Variants in SPAG17 observed in about 807,000 individuals in gnomAD.
The protein encoded by SPAG17 is sperm-associated antigen 17.
A neutral mutation model predicts 273.6 loss-of-function variants in SPAG17; 169 were observed. The observed-to-expected ratio is 0.62, with a 90% CI of 0.55 to 0.70. SPAG17 has a LOEUF of 0.70. Ranked by LOEUF, SPAG17 falls within the 30% of genes least tolerant of loss-of-function variation. The pLI, the probability that SPAG17 is intolerant of heterozygous loss-of-function variation, is 0.00. For synonymous variants in SPAG17, 825 were observed against 873.2 expected (o/e 0.94, Z 0.97); for missense variants, 2,557 against 2,627.8 (o/e 0.97, Z 0.59).
rs568362208 is a variant in SPAG17, at chr1:118,032,233, G to GA, written c.3434-367dup. ...AATGTTTAGAGCAGCAGAAAATAAT[G>GA]AAAAAAATGTGCAAAAGTCCTTATA... On this transcript the variant is annotated intron_variant, in intron 24 of 48. Transcript: ENST00000336338. 2.6e-4 allele frequency among the ~76,000 whole-genome samples: 40 copies of GA among 152,040 alleles called. No individual in the cohort carries two copies. In the South Asian group the frequency reaches 7.1e-3, roughly 27 times the overall value.
intron 1 of SPAG17, among the ~76,000 whole-genome samples, chr1:118,153,364 C>T (rs1659491601): frequency 6.6e-6 from 1 of 152,156 alleles, no homozygotes; most frequent in Admixed American, 6.5e-5. Context: ...GTCATTTTGG[C>T]AGAACCTCAT....
At chr1:118,049,480 C>T (rs1399408818) in intron 20 of SPAG17, among the ~76,000 whole-genome samples, 1 of 152,088 alleles carries the variant, frequency 6.6e-6, no homozygotes, top group Non-Finnish European at 1.5e-5. Flanking sequence ...ATCACATGGT[C>T]ATCACAATAG....
intron 43 of SPAG17, among the ~76,000 whole-genome samples, chr1:117,974,120 G>A (rs1260085025): frequency 2.0e-5 from 3 of 152,150 alleles, no homozygotes; most frequent in Admixed American, 2.0e-4. Context: ...CATTACTGCA[G>A]TGAACATGTG....
intron 3 of SPAG17, among the ~76,000 whole-genome samples, chr1:118,145,123 T>C (rs1391728478): frequency 1.3e-5 from 2 of 152,350 alleles, no homozygotes; most frequent in East Asian, 3.9e-4. Context: ...CTGTTCCCAG[T>C]AGAGCTGCCA....
At chr1:117,992,755 AG>A in intron 35 of SPAG17, 107 bp from the exon 36 acceptor site, 1 of 1,001,272 alleles carries the variant, frequency 1.0e-6, no homozygotes, top group Non-Finnish European at 1.4e-6. Flanking sequence ...ATAACTTTTT[AG>A]GGACACAGTG....
At chr1:118,150,851 C>T (rs1012422818) in intron 2 of SPAG17, among the ~76,000 whole-genome samples, 3 of 152,164 alleles carry the variant, frequency 2.0e-5, no homozygotes, top group African/African-American at 7.2e-5. Flanking sequence ...TTGCTGTCCT[C>T]TGACCTCTGA....
At chr1:118,137,363 G>A (rs756902758) in intron 3 of SPAG17, among the ~76,000 whole-genome samples, 1 of 152,156 alleles carries the variant, frequency 6.6e-6, no homozygotes, top group Admixed American at 6.5e-5. Flanking sequence ...TTCTGATAAA[G>A]GCTCATGAGG....
At chr1:118,117,102 T>C (rs1285901450) in intron 3 of SPAG17, among the ~76,000 whole-genome samples, 1 of 152,232 alleles carries the variant, frequency 6.6e-6, no homozygotes, top group Non-Finnish European at 1.5e-5. Context: ...CAATGCCAGC[T>C]AAATACTGTG....
intron 20 of SPAG17, among the ~76,000 whole-genome samples, chr1:118,045,737 A>G (rs1164957191): frequency 6.6e-6 from 1 of 152,188 alleles, no homozygotes; most frequent in Admixed American, 6.5e-5. Context: ...TGGCATCTGA[A>G]AAGGAAGCAG....
chr1:118,044,771 C>T (rs1650167517), intron 20 of SPAG17, among the ~76,000 whole-genome samples: 1 of 152,028 alleles, frequency 6.6e-6, no homozygotes, highest in Admixed American at 6.6e-5. Context: ...GTGTGCAGCA[C>T]CTCCCCCTTC....
At chr1:118,092,032 C>T (rs1052185940) in intron 8 of SPAG17, 30 bp from the exon 9 acceptor site, 4 of 1,588,804 alleles carry the variant, frequency 2.5e-6, no homozygotes, top group Non-Finnish European at 3.5e-6. Flanking sequence ...AAAGAAACAA[C>T]TGAGATACCC....
chr1:118,105,736 G>C (rs1656356479), intron 4 of SPAG17, among the ~76,000 whole-genome samples: 1 of 152,104 alleles, frequency 6.6e-6, no homozygotes, highest in African/African-American at 2.4e-5. Context: ...GGTGATGAGG[G>C]CTTCAGTGAT....
intron 7 of SPAG17, among the ~76,000 whole-genome samples, chr1:118,094,090 A>G (rs908064941): frequency 1.3e-5 from 2 of 152,312 alleles, no homozygotes; most frequent in Admixed American, 6.5e-5. Flanking sequence ...GGTTCCTTGT[A>G]TGCAGAAGTC....
intron 32 of SPAG17, among the ~76,000 whole-genome samples, chr1:118,001,199 G>C (rs1463296380): frequency 6.6e-6 from 1 of 152,176 alleles, no homozygotes; most frequent in African/African-American, 2.4e-5. Context: ...ATAAGGTTTT[G>C]ATGTGCGGTT....
intron 3 of SPAG17, among the ~76,000 whole-genome samples, chr1:118,140,039 G>T (rs1422964717): frequency 6.6e-6 from 1 of 152,138 alleles, no homozygotes; most frequent in Non-Finnish European, 1.5e-5. Context: ...CCCCCTTGCC[G>T]TGTGATTTCC....
intron 17 of SPAG17, among the ~76,000 whole-genome samples, chr1:118,068,976 G>A (rs1653278481): frequency 6.6e-6 from 1 of 152,114 alleles, no homozygotes; most frequent in South Asian, 2.1e-4. Context: ...CTGATATATA[G>A]AGAATGGATT....
At chr1:118,134,573 T>C (rs1206113936) in intron 3 of SPAG17, among the ~76,000 whole-genome samples, 2 of 152,200 alleles carry the variant, frequency 1.3e-5, no homozygotes, top group African/African-American at 4.8e-5. Flanking sequence ...CCCATGGAAT[T>C]ATTCCCGTAC....
Position 118,073,914 on chromosome 1 carries a change from CTG to C in SPAG17, c.2323_2324del (p.Gln775AlafsTer11), listed in dbSNP as rs745427015. 9 of 1,575,490 alleles carry C rather than the reference CTG, an allele frequency of 5.7e-6. No individual in the cohort carries two copies. Among genetic ancestry groups the C allele is most frequent in the South Asian group, 2.4e-5 (2 of 84,408 alleles). ...EADLEDIKKTQQRSLMDWSFT... is the reference protein window; with the variant it reads ...EADLEDIKKTXQRSLMDWSFT... Reference sequence around the variant, plus strand: ...AACTCCAGTCCATTAGACTGCGCTGCTGTGTTTTCTTTATGTCCTCTAAATCT... The same window carrying C: ...AACTCCAGTCCATTAGACTGCGCTGCTGTTTTCTTTATGTCCTCTAAATCT... On this transcript the variant is annotated frameshift_variant, in exon 17 of 49. Transcript: ENST00000336338. LOFTEE classifies it high-confidence loss of function.
At chr1:118,172,863 A>G (rs1468131059) in intron 1 of SPAG17, among the ~76,000 whole-genome samples, 3 of 152,176 alleles carry the variant, frequency 2.0e-5, no homozygotes, top group Non-Finnish European at 4.4e-5. Context: ...CCATCTCTGA[A>G]CATTTGCATT....
Sources: allele counts gnomAD v4.1 joint callset (sites outside exome capture counted in the v4.1 genomes callset), GRCh38; gene constraint gnomAD v4.1.1; transcripts MANE v1.5; gene names NCBI Gene and HGNC (gene_info 2026-07-23, HGNC 2026-07-21).